Variants in ABCC1 observed in about 807,000 individuals in gnomAD.
ABCC1 encodes the protein multidrug resistance-associated protein 1.
A neutral mutation model predicts 172.9 loss-of-function variants in ABCC1; 83 were observed. The ratio of observed to expected loss-of-function variants is 0.48; its 90% CI spans 0.40 to 0.58. ABCC1 has a LOEUF of 0.58. Among genes scored for constraint, ABCC1 ranks in the 20% least tolerant of loss-of-function variants. The probability of loss-of-function intolerance (pLI) is 0.00; values close to 1 mark genes in which losing one functional copy is unlikely to be tolerated. For missense variants in ABCC1, 1,817 were observed against 2,002.7 expected (o/e 0.91, Z 1.77); for synonymous variants, 937 against 825.2 (o/e 1.14, Z -2.32).
intron 24 of ABCC1, among the ~76,000 whole-genome samples, 198 bp from the exon 25 acceptor site, chr16:16,124,591 G>A (rs1404598917): frequency 1.3e-5 from 2 of 152,178 alleles, no homozygotes; most frequent in South Asian, 2.1e-4. Context: ...GGATTTACTG[G>A]CCTCGTGCCT....
At chr16:16,027,550 T>C (rs2151811759) in intron 5 of ABCC1, among the ~76,000 whole-genome samples, 1 of 152,302 alleles carries the variant, frequency 6.6e-6, no homozygotes, top group Admixed American at 6.5e-5. Context: ...CGGTGGTTCA[T>C]GCCTATAATC....
intron 18 of ABCC1, among the ~76,000 whole-genome samples, chr16:16,089,880 CA>C (rs5815856): frequency 0.011 from 1,159 of 104,198 alleles, 7 homozygotes; most frequent in African/African-American, 0.025. Flanking sequence ...AACTCTGTCT[CA>C]AAAAAAAAAA....
chr16:16,075,647 A>G (rs961576498), intron 14 of ABCC1, among the ~76,000 whole-genome samples: 7 of 152,122 alleles, frequency 4.6e-5, no homozygotes, highest in African/African-American at 9.7e-5. Context: ...AGACAGAAAC[A>G]TGGAACCAGT....
At chr16:16,022,523 G>A (rs1391196244) in intron 5 of ABCC1, among the ~76,000 whole-genome samples, 1 of 152,110 alleles carries the variant, frequency 6.6e-6, no homozygotes, top group African/African-American at 2.4e-5. Flanking sequence ...AGAGGTCCTT[G>A]GACCAGTTGG....
Position 16,125,746 on chromosome 16 carries a change from AG to A in ABCC1, c.3718-63del, listed in dbSNP as rs2045404952. The A allele has an allele frequency of 4.1e-6, 5 of 1,213,416 alleles. No individual in the cohort carries two copies. In the East Asian group the frequency reaches 9.5e-5, roughly 23 times the overall value. The allele number at this position is 1,213,416 out of a possible 1,614,324, so 75.2% of individuals were successfully genotyped here. ...TTTCCTATTATCTCAGTGGAAAAAA[AG>A]AAAAAGGAAAGTCAAGTACGCCCGC... On this transcript the variant is annotated intron_variant, in intron 25 of 30. Coordinates refer to ENST00000399410, the MANE Select transcript of ABCC1 (RefSeq NM_004996.4).
intron 13 of ABCC1, among the ~76,000 whole-genome samples, chr16:16,069,716 TAAAAGA>T (rs567908293): frequency 1.3e-5 from 2 of 150,756 alleles, no homozygotes; most frequent in Non-Finnish European, 3.0e-5. Context: ...AAACTGGCAT[TAAAAGA>T]AAAAGAAAAA....
intron 1 of ABCC1, among the ~76,000 whole-genome samples, chr16:15,955,625 C>G (rs1449779017): frequency 6.6e-6 from 1 of 152,182 alleles, no homozygotes; most frequent in African/African-American, 2.4e-5. Context: ...TTTGCACTTG[C>G]TGTTTCTCCT....
chr16:16,075,722 G>A (rs140625875), intron 14 of ABCC1, among the ~76,000 whole-genome samples: 43 of 152,172 alleles, frequency 2.8e-4, no homozygotes, highest in Non-Finnish European at 4.1e-4. Flanking sequence ...TTCCTGTTCC[G>A]TATCCTCTTT....
intron 1 of ABCC1, among the ~76,000 whole-genome samples, chr16:15,973,945 A>G (rs1451776036): frequency 2.0e-5 from 3 of 152,122 alleles, no homozygotes; most frequent in Non-Finnish European, 1.5e-5. Flanking sequence ...CGATTGCACC[A>G]CCGTATTCCA....
At chr16:15,988,892 G>T (rs2046798971) in intron 1 of ABCC1, among the ~76,000 whole-genome samples, 1 of 151,758 alleles carries the variant, frequency 6.6e-6, no homozygotes, top group African/African-American at 2.4e-5. Context: ...ACATAGCAAG[G>T]CCCCATCTCT....
chr16:16,135,704 C>T (rs2152158590), intron 28 of ABCC1, among the ~76,000 whole-genome samples: 1 of 152,262 alleles, frequency 6.6e-6, no homozygotes, highest in Non-Finnish European at 1.5e-5. Flanking sequence ...GATCTGCCTG[C>T]CTCGGCCTCC....
At chr16:16,139,185 C>T (rs2046031618) in intron 30 of ABCC1, among the ~76,000 whole-genome samples, 1 of 152,200 alleles carries the variant, frequency 6.6e-6, no homozygotes, top group African/African-American at 2.4e-5. Flanking sequence ...AACAGGATTC[C>T]AGAGGGCAGC....
chr16:16,050,297 A>G (rs2049373753), intron 10 of ABCC1, among the ~76,000 whole-genome samples: 1 of 152,042 alleles, frequency 6.6e-6, no homozygotes, highest in Non-Finnish European at 1.5e-5. Flanking sequence ...CGTCTCTACT[A>G]AAAATATAAA....
chr16:16,024,121 AGG>A (rs1291512424), intron 5 of ABCC1, among the ~76,000 whole-genome samples: 1 of 152,176 alleles, frequency 6.6e-6, no homozygotes, highest in Non-Finnish European at 1.5e-5. Flanking sequence ...CGGGAGGCTC[AGG>A]CAGGAGAATT....
rs773589653 is a variant in ABCC1 at position 16,079,408 on chromosome 16, G to A, written c.2045G>A (p.Cys682Tyr). ...ALVAVVGQVG[C>Y]GKSSLLSALL... ...GTGGCCGTGGTGGGCCAGGTGGGCT[G>A]CGGAAAGTCGTCCCTGCTCTCAGCC... The change falls in exon 16 of 31, where the codon TGC becomes TAC. Residue 682 changes from cysteine to tyrosine, a missense_variant. Physicochemically the swap from Cys to Tyr is radical, Grantham distance 194. Around this residue, in one of 3 missense-constraint regions of ABCC1, gnomAD observed 1,412 missense variants for 1,600.3 expected, o/e 0.88. Coordinates refer to ENST00000399410, the MANE Select transcript of ABCC1 (RefSeq NM_004996.4). 1.9e-6 allele frequency: 3 copies of A among 1,614,052 alleles called. No individual in the cohort carries two copies. The South Asian group carries it at 3.3e-5, about 18-fold the overall frequency.
At chr16:15,995,770 G>A (rs1597085743) in intron 1 of ABCC1, among the ~76,000 whole-genome samples, 1 of 151,370 alleles carries the variant, frequency 6.6e-6, no homozygotes, top group East Asian at 1.9e-4. Flanking sequence ...TGGGCTCAAG[G>A]GATCCTCCTT....
In ABCC1 at chr16:16,132,035, G is replaced by C. The variant is rs1365862018; in HGVS notation, c.3966+100G>C. On this transcript the variant is annotated intron_variant, in intron 27 of 30. Coordinates refer to ENST00000399410, the MANE Select transcript of ABCC1 (RefSeq NM_004996.4). ...TGCAGCGTCTCCCCAGTCACTCACG[G>C]CTCCACACCTTTGCTTGAATGGCTT... The C allele has an allele frequency of 1.1e-5, 16 of 1,437,760 alleles. No individual in the cohort carries two copies. The African/African-American group carries it at 1.7e-4, about 15-fold the overall frequency. The allele number at this position is 1,437,760 out of a possible 1,614,324, so 89.1% of individuals were successfully genotyped here. A position where few individuals can be genotyped will look rare whatever the true frequency, so the allele number is the denominator to read the frequency against.
intron 20 of ABCC1, among the ~76,000 whole-genome samples, chr16:16,104,435 T>C (rs987783749): frequency 2.6e-5 from 4 of 152,144 alleles, no homozygotes; most frequent in Admixed American, 6.5e-5. Context: ...TAGCTAGATA[T>C]AGAGTGTTGA....
chr16:16,008,001 C>G lies in ABCC1; in HGVS notation c.225+9C>G. ...TCAACAAAACCAAAACTGTAAGTCA[C>G]TGGGGGGTTTCGTTGTGGGGGGTGG... On this transcript the variant is annotated intron_variant, in intron 2 of 30. Transcript: ENST00000399410. 2.0e-6 allele frequency: 3 copies of G among 1,509,004 alleles called. No homozygotes were observed. In the South Asian group the frequency reaches 3.8e-5, roughly 19 times the overall value. 93.5% of individuals were successfully genotyped at this position (1,509,004 alleles called of 1,614,324 possible).
Sources: gnomAD v4.1 joint callset for allele counts (sites outside exome capture counted in the v4.1 genomes callset) on GRCh38, gnomAD v4.1.1 for gene constraint, gnomAD v4.1.1 regional missense constraint, MANE v1.5 for transcripts, NCBI Gene and HGNC (gene_info 2026-07-23, HGNC 2026-07-21) for gene names.